Variants in FANCC observed in about 807,000 individuals in gnomAD.
FANCC encodes the protein FA complementation group C, also known as Fanconi anemia group C protein.
In FANCC, 55 loss-of-function variants were observed where a neutral mutation model predicts 71.3. The ratio of observed to expected loss-of-function variants is 0.77; its 90% CI spans 0.62 to 0.97. The LOEUF (loss-of-function observed/expected upper bound fraction) is 0.97, where lower values mean the gene tolerates loss of function less well. FANCC is among the 50% of genes least tolerant of loss of function. FANCC has a pLI of 0.00. For missense variants in FANCC, 678 were observed against 670.9 expected (o/e 1.01, Z -0.12); for synonymous variants, 275 against 244.9 (o/e 1.12, Z -1.15).
At chr9:95,179,546 C>T (rs569496403) in intron 4 of FANCC, among the ~76,000 whole-genome samples, 11 of 152,172 alleles carry the variant, frequency 7.2e-5, no homozygotes, top group Admixed American at 2.6e-4. Context: ...AAGGATTCAC[C>T]ATGTTGGCCA....
intron 4 of FANCC, among the ~76,000 whole-genome samples, chr9:95,227,012 C>T (rs117591881): frequency 6.6e-6 from 1 of 152,274 alleles, no homozygotes; most frequent in Non-Finnish European, 1.5e-5. Flanking sequence ...TGCAGCTAAA[C>T]TTTTTCCTCT....
chr9:95,280,802 A>G (rs1316383608), intron 1 of FANCC, among the ~76,000 whole-genome samples: 1 of 152,232 alleles, frequency 6.6e-6, no homozygotes, highest in Non-Finnish European at 1.5e-5. Context: ...TAACTTCAAT[A>G]AAGTAGAGAA....
intron 3 of FANCC, among the ~76,000 whole-genome samples, chr9:95,241,691 G>A (rs1588339223): frequency 6.6e-6 from 1 of 151,984 alleles, no homozygotes; most frequent in African/African-American, 2.4e-5. Context: ...ACAGGGTCTC[G>A]CTCTGTCACC....
chr9:95,311,630 CCT>C (rs1835408473), intron 1 of FANCC, among the ~76,000 whole-genome samples: 2 of 151,908 alleles, frequency 1.3e-5, no homozygotes, highest in Admixed American at 6.6e-5. Flanking sequence ...CCAGCCTCAG[CCT>C]CTCAAATAGT....
At chr9:95,134,362 T>G (rs1349815563) in intron 8 of FANCC, among the ~76,000 whole-genome samples, 1 of 152,122 alleles carries the variant, frequency 6.6e-6, no homozygotes, top group African/African-American at 2.4e-5. Flanking sequence ...ACAGCCAACC[T>G]CAGGGACTTC....
intron 4 of FANCC, among the ~76,000 whole-genome samples, chr9:95,225,302 G>T (rs1829543610): frequency 6.6e-6 from 1 of 152,172 alleles, no homozygotes; most frequent in African/African-American, 2.4e-5. Flanking sequence ...ACTTTTCACA[G>T]GGATTTATCC....
At chr9:95,294,642 G>A in intron 1 of FANCC, 8 of 1,583,290 alleles carry the variant, frequency 5.1e-6, no homozygotes, top group Non-Finnish European at 6.9e-6. Flanking sequence ...CACAGACCAT[G>A]AGTTCTGGGT....
chr9:95,173,728 C>A (rs543758671), intron 4 of FANCC, among the ~76,000 whole-genome samples: 7 of 152,122 alleles, frequency 4.6e-5, no homozygotes, highest in Admixed American at 1.3e-4. Context: ...CTAGCCTGGG[C>A]AACACAGAGA....
At chr9:95,114,538 G>A in intron 12 of FANCC, 91 bp downstream of exon 12, 2 of 1,132,222 alleles carry the variant, frequency 1.8e-6, no homozygotes, top group South Asian at 2.5e-5. Flanking sequence ...GACCAGTAAT[G>A]CCTTCCTCTG....
intron 1 of FANCC, among the ~76,000 whole-genome samples, chr9:95,290,523 GA>G (rs1378690175): frequency 1.3e-5 from 2 of 152,154 alleles, no homozygotes; most frequent in African/African-American, 2.4e-5. Flanking sequence ...AGAAAGTAGA[GA>G]AGTGACACAG....
At chr9:95,160,333 G>A (rs1412175517) in intron 6 of FANCC, among the ~76,000 whole-genome samples, 2 of 152,224 alleles carry the variant, frequency 1.3e-5, no homozygotes, top group Non-Finnish European at 2.9e-5. Flanking sequence ...AGATTGGATG[G>A]CTGTAGATGT....
At chr9:95,240,560 A>T in intron 4 of FANCC, 89 bp downstream of exon 4, 3 of 825,284 alleles carry the variant, frequency 3.6e-6, no homozygotes, top group Non-Finnish European at 6.3e-6. Context: ...ATAGAACTGG[A>T]TTCCACCCCA....
intron 4 of FANCC, among the ~76,000 whole-genome samples, chr9:95,187,066 C>G (rs1439624029): frequency 2.0e-5 from 3 of 152,112 alleles, no homozygotes; most frequent in Admixed American, 2.0e-4. Flanking sequence ...AGCCACCGTG[C>G]CTGGCCTTAG....
rs375989735 is a variant in FANCC at position 95,156,956 on chromosome 9, C to CT, written c.522-6870_522-6869insA. On this transcript the variant is annotated intron_variant, in intron 6 of 14. Transcript: ENST00000289081. ...TTGAAACAATTAAATCAGAACACAG[C>CT]ATAACAGGCAAACTACTTTCCAGTA... Among the ~76,000 whole-genome samples, 1,035 of 152,286 alleles carry CT rather than the reference C, an allele frequency of 6.8e-3. 14 individuals are homozygous for CT. The highest frequency in any genetic ancestry group is 0.023 in the African/African-American group (962 of 41,556).
At chr9:95,122,354 T>C (rs747715450) in intron 10 of FANCC, among the ~76,000 whole-genome samples, 1 of 152,090 alleles carries the variant, frequency 6.6e-6, no homozygotes, top group Non-Finnish European at 1.5e-5. Flanking sequence ...TAGCTAAAAA[T>C]GGACAGTCAA....
At position 95,119,285 on chromosome 9, in the gene FANCC, G is replaced by T. The variant is rs146761377; in HGVS notation, c.997-1895C>A. 1.4e-3 allele frequency among the ~76,000 whole-genome samples: 212 copies of T among 151,876 alleles called. 1 individual carries two copies. Among genetic ancestry groups the T allele is most frequent in the African/African-American group, 4.8e-3 (200 of 41,390 alleles). On this transcript the variant is annotated intron_variant, in intron 10 of 14. Transcript: ENST00000289081. ...AGCTCTTCATATATTCTCGACACAA[G>T]TCCTCTGTTGTATACATATATTACA...
At chr9:95,252,109 C>T (rs1329356883) in intron 1 of FANCC, among the ~76,000 whole-genome samples, 1 of 151,768 alleles carries the variant, frequency 6.6e-6, no homozygotes, top group Non-Finnish European at 1.5e-5. Context: ...GAAACCCCAT[C>T]TCTACTGAAA....
chr9:95,113,376 T>A (rs1370150237), intron 12 of FANCC, among the ~76,000 whole-genome samples: 1 of 152,064 alleles, frequency 6.6e-6, no homozygotes, highest in African/African-American at 2.4e-5. Flanking sequence ...GCAGGGACAA[T>A]GAATAAAATT....
chr9:95,132,880 T>C (rs533746585), intron 8 of FANCC, among the ~76,000 whole-genome samples: 2 of 152,332 alleles, frequency 1.3e-5, no homozygotes, highest in East Asian at 1.9e-4. Flanking sequence ...CTATAGAATT[T>C]CCAGGACTCA....
Sources: allele counts gnomAD v4.1 joint callset (sites outside exome capture counted in the v4.1 genomes callset), GRCh38; gene constraint gnomAD v4.1.1; transcripts MANE v1.5; gene names NCBI Gene and HGNC (gene_info 2026-07-23, HGNC 2026-07-21).